ASB16: variants seen among roughly 807,000 people sequenced by gnomAD.
ASB16 encodes ankyrin repeat and SOCS box protein 16.
Under a neutral mutation model 39.1 loss-of-function variants are expected in ASB16, and 44 were observed. The ratio of observed to expected loss-of-function variants is 1.13; its 90% CI spans 0.88 to 1.45. The LOEUF (loss-of-function observed/expected upper bound fraction) is 1.45. Among genes scored for constraint, ASB16 ranks in the 40% most tolerant of loss-of-function variants. ASB16 has a pLI of 0.00. For synonymous variants in ASB16, 305 were observed against 286.7 expected (o/e 1.06, Z -0.64); for missense variants, 698 against 634.5 (o/e 1.10, Z -1.07).
At position 44,170,921 on chromosome 17, in the gene ASB16, T is replaced by C; in HGVS notation, c.132T>C (p.Ser44=). Residue 44 remains serine (S), a synonymous_variant, in exon 1 of 5, where the codon AGT becomes AGC. Coordinates refer to ENST00000293414, the MANE Select transcript of ASB16 (RefSeq NM_080863.5). ...GCCGGAGCCGCAGGTGCCCGTCAAG[T>C]CCCCGGGCCCGACTCACTAGGCCTC... is the stretch of plus-strand genomic sequence containing the variant. ...QQCRSRRCPS[S]PRARLTRPHR... is the part of the protein sequence containing the mutation. 2 of 1,612,572 alleles carry C rather than the reference T, an allele frequency of 1.2e-6. No homozygotes were observed. The highest frequency in any genetic ancestry group is 1.7e-6 in the Non-Finnish European group (2 of 1,179,780).
rs1567732653 is a variant in ASB16 at position 44,177,649 on chromosome 17, T to A, written c.1103T>A (p.Val368Asp). The change falls in exon 4 of 5, where the codon GTC (valine) becomes GAC (aspartate). Residue 368 changes from valine to aspartate, a missense_variant. Physicochemically the swap from Val to Asp is radical, Grantham distance 152. Coordinates refer to ENST00000293414, the MANE Select transcript of ASB16 (RefSeq NM_080863.5). ...HCANFPRALE[V>D]LLNAYPCVPS... Reference sequence around the variant, plus strand: ...GCCAACTTCCCTCGGGCCCTGGAAGTCCTGCTTAATGCCTATCCTTGTGTC... The same window carrying A: ...GCCAACTTCCCTCGGGCCCTGGAAGACCTGCTTAATGCCTATCCTTGTGTC... The A allele has an allele frequency of 1.2e-6, 2 of 1,613,882 alleles. No homozygotes were observed. The highest frequency in any genetic ancestry group is 1.7e-6 in the Non-Finnish European group (2 of 1,179,868).
intron 2 of ASB16, among the ~76,000 whole-genome samples, chr17:44,174,033 G>A (rs1219649091): frequency 6.9e-6 from 1 of 144,702 alleles, no homozygotes; most frequent in Non-Finnish European, 1.5e-5. Context: ...TACCACACCT[G>A]GCTATTTTTT....
intron 2 of ASB16, among the ~76,000 whole-genome samples, chr17:44,174,880 G>A (rs1483174544): frequency 1.3e-5 from 2 of 151,864 alleles, no homozygotes; most frequent in East Asian, 3.9e-4. Context: ...GAGGCAGGCA[G>A]ATCACGAGGT....
chr17:44,176,819 G>A lies in ASB16; in HGVS notation c.651G>A (p.Ala217=). ...GCCAGGAGACGCCCCTGCACGTGGC[G>A]GCGGCGCGCGGCCTGGAGCAACATG... ...GESQETPLHV[A]AARGLEQHVA... is the part of the protein sequence containing the mutation. The change falls in exon 3 of 5, where the codon GCG becomes GCA. Residue 217 remains alanine, a synonymous_variant. Coordinates refer to ENST00000293414, the MANE Select transcript of ASB16 (RefSeq NM_080863.5). 1.9e-6 allele frequency: 3 copies of A among 1,612,370 alleles called. No homozygotes were observed. Among genetic ancestry groups the A allele is most frequent in the Non-Finnish European group, 2.5e-6 (3 of 1,179,264 alleles).
intron 2 of ASB16, among the ~76,000 whole-genome samples, chr17:44,173,964 T>C (rs1303869025): frequency 6.6e-6 from 1 of 151,472 alleles, no homozygotes; most frequent in Non-Finnish European, 1.5e-5. Flanking sequence ...CTCGATCTCC[T>C]GGGCTCAAGT....
chr17:44,172,021 T>C, intron 1 of ASB16, 25 bp from the exon 2 acceptor site: 1 of 1,599,914 alleles, frequency 6.3e-7, no homozygotes, highest in Non-Finnish European at 8.5e-7. Context: ...ATACACCACC[T>C]CCCAAAACTA....
chr17:44,173,490 T>C (rs2054259961), intron 2 of ASB16, among the ~76,000 whole-genome samples: 1 of 151,590 alleles, frequency 6.6e-6, no homozygotes, highest in African/African-American at 2.4e-5. Flanking sequence ...TCCAGGAGTT[T>C]GAGAATAGTT....
intron 2 of ASB16, chr17:44,176,370 A>C: frequency 1.0e-5 from 3 of 293,104 alleles, no homozygotes; most frequent in South Asian, 9.9e-5. Context: ...AAAAAAAAAA[A>C]AAAAAGGAGA....
rs755814254 is a variant in ASB16, at chr17:44,177,217, C to T, written c.1049C>T (p.Pro350Leu). 167 of 1,540,482 alleles carry T rather than the reference C, an allele frequency of 1.1e-4. No homozygotes were observed. Among genetic ancestry groups the T allele is most frequent in the Non-Finnish European group, 1.3e-4 (147 of 1,143,728 alleles). ...FAALLDYGAQ[P>L]VRPEMLKHCA... ...GCACTGCTGGACTACGGGGCGCAGCCAGTGCGCCCTGAGGTGCGCTGGGAG... is the reference window on the plus strand; with the variant it reads ...GCACTGCTGGACTACGGGGCGCAGCTAGTGCGCCCTGAGGTGCGCTGGGAG... Residue 350 changes from proline to leucine, a missense_variant, in exon 3 of 5, where the codon CCA (proline) becomes CTA (leucine). Physicochemically the swap from Pro to Leu is moderately conservative, Grantham distance 98. Coordinates refer to ENST00000293414, the MANE Select transcript of ASB16 (RefSeq NM_080863.5).
rs989474048 is a variant in ASB16 at position 44,171,230 on chromosome 17, A to G, written c.301+140A>G. On this transcript the variant is annotated intron_variant, in intron 1 of 4. Transcript: ENST00000293414. ...CCACCACCTATCCTAGCTCCCTCCT[A>G]AACAGAGATGAGGCAGGGTTAGCAG... 3 of 923,788 alleles carry G rather than the reference A, an allele frequency of 3.2e-6. No homozygotes were observed. The African/African-American group carries it at 5.1e-5, about 16-fold the overall frequency. The allele number at this position is 923,788 out of a possible 1,614,324, so 57.2% of individuals were successfully genotyped here. A position where few individuals can be genotyped will look rare whatever the true frequency, so the allele number is the denominator to read the frequency against.
At chr17:44,171,130 G>A in intron 1 of ASB16, 40 bp downstream of exon 1, 1 of 1,577,476 alleles carries the variant, frequency 6.3e-7, no homozygotes, top group Non-Finnish European at 8.6e-7. Context: ...GAGGGAGAAA[G>A]AAGGGGAGTG....
At position 44,172,237 on chromosome 17, in the gene ASB16, T is replaced by G. The variant is rs1247853955; in HGVS notation, c.493T>G (p.Phe165Val). ...TGACTGTGTGCGGCTGCTGCTGACC[T>G]TCGGAGCCAAGGCTAATGTGCTGAC... ...QFDCVRLLLT[F>V]GAKANVLTEE... Residue 165 changes from phenylalanine (F) to valine (V), a missense_variant, in exon 2 of 5, where the codon TTC becomes GTC. Transcript: ENST00000293414. The G allele has an allele frequency of 6.2e-7, 1 of 1,613,698 alleles. No individual in the cohort carries two copies. Among genetic ancestry groups the G allele is most frequent in the African/African-American group, 1.3e-5 (1 of 74,910 alleles).
In ASB16 at chr17:44,177,089, G is replaced by A; in HGVS notation, c.921G>A (p.Gly307=). ...TGGCCGAGCTGCTGCTGCGTTACGG[G>A]GCCCGCGCTGAGGTCCCCAATGGGG... ...GGLAELLLRY[G]ARAEVPNGAG... The change falls in exon 3 of 5, where the codon GGG becomes GGA. Residue 307 remains glycine (G), a synonymous_variant. Transcript: ENST00000293414. The A allele has an allele frequency of 6.8e-7, 1 of 1,478,236 alleles. No homozygotes were observed. Among genetic ancestry groups the A allele is most frequent in the South Asian group, 1.3e-5 (1 of 76,078 alleles). 91.6% of individuals were successfully genotyped at this position (1,478,236 alleles called of 1,614,324 possible).
In ASB16 at chr17:44,177,192, G is replaced by T; in HGVS notation, c.1024G>T (p.Ala342Ser). 6.5e-7 allele frequency: 1 copy of T among 1,538,810 alleles called. No homozygotes were observed. Among genetic ancestry groups the T allele is most frequent in the Non-Finnish European group, 8.7e-7 (1 of 1,143,244 alleles). Residue 342 changes from alanine to serine, a missense_variant, in exon 3 of 5, where the codon GCA becomes TCA. Ala to Ser is a moderately conservative substitution (Grantham distance 99). Coordinates refer to ENST00000293414, the MANE Select transcript of ASB16 (RefSeq NM_080863.5). ...CTGGGAGCCTGAAGTCCTTTTCGCC[G>T]CACTGCTGGACTACGGGGCGCAGCC... ...PNWEPEVLFA[A>S]LLDYGAQPVR...
At position 44,176,955 on chromosome 17, in the gene ASB16, C is replaced by A; in HGVS notation, c.787C>A (p.His263Asn). The A allele has an allele frequency of 6.7e-7, 1 of 1,498,826 alleles. No individual in the cohort carries two copies. The highest frequency in any genetic ancestry group is 8.8e-7 in the Non-Finnish European group (1 of 1,136,574). 92.8% of individuals were successfully genotyped at this position (1,498,826 alleles called of 1,614,324 possible). The change falls in exon 3 of 5, where the codon CAC becomes AAC. Residue 263 changes from histidine to asparagine, a missense_variant. Physicochemically the swap from His to Asn is moderately conservative, Grantham distance 68. Transcript: ENST00000293414. ...CGAGGGCCCAGGTAGCTGCAGGCGA[C>A]ACCAGGCTGCGGCGCGCCGGCTCCT... Reference protein sequence around the residue: ...GAEGPGSCRRHQAAARRLLEA... With the variant: ...GAEGPGSCRRNQAAARRLLEA...
At chr17:44,174,448 CAGCCTCCCAAAG>C (rs1441947969) in intron 2 of ASB16, among the ~76,000 whole-genome samples, 14 of 152,200 alleles carry the variant, frequency 9.2e-5, no homozygotes. Context: ...CCTCCTGCCC[CAGCCTCCCAAAG>C]TGTTGGGATT....
chr17:44,177,913 G>T, intron 4 of ASB16, 191 bp downstream of exon 4: 1 of 751,664 alleles, frequency 1.3e-6, no homozygotes, highest in Admixed American at 2.9e-5. Context: ...CACCTCTCCT[G>T]CCTCCCTCAC....
Position 44,176,754 on chromosome 17 carries a change from C to T in ASB16, c.586C>T (p.Leu196=), listed in dbSNP as rs765734522. Residue 196 remains leucine, a synonymous_variant, in exon 3 of 5, where the codon CTG becomes TTG. Coordinates refer to ENST00000293414, the MANE Select transcript of ASB16 (RefSeq NM_080863.5). Reference sequence around the variant, plus strand: ...TGTCCCCAGGTGCGCCAAGTTGCTGCTGGAAGCAGGAGCGACGGTGAACCT... The same window carrying T: ...TGTCCCCAGGTGCGCCAAGTTGCTGTTGGAAGCAGGAGCGACGGTGAACCT... ...PESLQCAKLL[L]EAGATVNLAA... 2.5e-6 allele frequency: 4 copies of T among 1,613,896 alleles called. No individual in the cohort carries two copies. The highest frequency in any genetic ancestry group is 1.1e-5 in the South Asian group (1 of 91,044).
At position 44,176,869 on chromosome 17, in the gene ASB16, C is replaced by T; in HGVS notation, c.701C>T (p.Ala234Val). ...QHVALYLEHG[A>V]DVGLRTSQGE... Reference sequence around the variant, plus strand: ...GTGGCTCTGTACCTGGAGCATGGCGCCGACGTGGGCCTGCGCACCAGCCAG... The same window carrying T: ...GTGGCTCTGTACCTGGAGCATGGCGTCGACGTGGGCCTGCGCACCAGCCAG... Residue 234 changes from alanine to valine, a missense_variant, in exon 3 of 5, where the codon GCC (alanine) becomes GTC (valine). Transcript: ENST00000293414. The T allele has an allele frequency of 1.2e-6, 2 of 1,607,134 alleles. No homozygotes were observed. Among genetic ancestry groups the T allele is most frequent in the South Asian group, 2.2e-5 (2 of 90,868 alleles).
Sources: allele counts gnomAD v4.1 joint callset (sites outside exome capture counted in the v4.1 genomes callset), GRCh38; gene constraint gnomAD v4.1.1; transcripts MANE v1.5; gene names NCBI Gene and HGNC (gene_info 2026-07-23, HGNC 2026-07-21).